DISC1: variants seen among roughly 807,000 people sequenced by gnomAD.
The protein encoded by DISC1 is disrupted in schizophrenia 1 protein.
A neutral mutation model predicts 84.5 loss-of-function variants in DISC1; 57 were observed. The observed-to-expected ratio is 0.67, with a 90% CI of 0.55 to 0.84. The LOEUF (loss-of-function observed/expected upper bound fraction) is 0.84, where lower values mean the gene tolerates loss of function less well. Ranked by LOEUF, DISC1 falls within the 40% of genes least tolerant of loss-of-function variation. The pLI is 0.00. For synonymous variants in DISC1, 411 were observed against 415.2 expected (o/e 0.99, Z 0.12); for missense variants, 1,000 against 1,057.8 (o/e 0.95, Z 0.76).
chr1:231,644,725 C>CT (rs1484844453), intron 1 of DISC1, among the ~76,000 whole-genome samples: 1 of 152,102 alleles, frequency 6.6e-6, no homozygotes, highest in South Asian at 2.1e-4. Context: ...CTATGACCCC[C>CT]TTTTCCTTTT....
At chr1:231,862,432 T>C (rs187555573) in intron 9 of DISC1, among the ~76,000 whole-genome samples, 4 of 152,330 alleles carry the variant, frequency 2.6e-5, no homozygotes, top group Admixed American at 2.6e-4. Context: ...GCAGATAATT[T>C]TTAGTTATTT....
rs924231954 is a variant in DISC1, at chr1:231,897,887, T to G, written c.1982-60941T>G. Among the ~76,000 whole-genome samples, 6 of 152,194 alleles carry G rather than the reference T, an allele frequency of 3.9e-5. No homozygotes were observed. Among genetic ancestry groups the G allele is most frequent in the African/African-American group, 1.4e-4 (6 of 41,444 alleles). ...CAAGTGCTAAAACACCAAAATAGTG[T>G]TATAGAGGCACATTCCTGGGGCAGG... On this transcript the variant is annotated intron_variant, in intron 9 of 12. Transcript: ENST00000439617. The surrounding 1 kb of genome is among the most constrained non-coding windows in gnomAD (Gnocchi z 4.5).
intron 3 of DISC1, among the ~76,000 whole-genome samples, chr1:231,746,110 C>T (rs1573470569): frequency 6.6e-6 from 1 of 152,152 alleles, no homozygotes; most frequent in Non-Finnish European, 1.5e-5. Flanking sequence ...AATCTGTTTT[C>T]TTTATAAATT....
intron 1 of DISC1, among the ~76,000 whole-genome samples, chr1:231,646,738 T>TA (rs1257010813): frequency 2.0e-5 from 3 of 152,248 alleles, no homozygotes; most frequent in African/African-American, 7.2e-5. Context: ...CCTGACTTTT[T>TA]AATGATCACC....
chr1:232,000,113 A>AGAGAATCAACCGATACCAGCGGGGAG (rs1425782408), intron 10 of DISC1, among the ~76,000 whole-genome samples: 75 of 152,340 alleles, frequency 4.9e-4, no homozygotes, highest in African/African-American at 1.8e-3. Flanking sequence ...GGATGAGGAA[A>AGAGAATCAACCGATACCAGCGGGGAG]GAGAATCAAC....
chr1:231,898,144 T>C (rs1385612129), intron 9 of DISC1, among the ~76,000 whole-genome samples: 1 of 152,230 alleles, frequency 6.6e-6, no homozygotes, highest in Non-Finnish European at 1.5e-5. Context: ...AATCTATGTA[T>C]ATTCACTTTA....
intron 9 of DISC1, among the ~76,000 whole-genome samples, chr1:231,833,128 G>C (rs1291383205): frequency 6.6e-6 from 1 of 150,556 alleles, no homozygotes; most frequent in Admixed American, 6.6e-5. Context: ...AGATTCAGCT[G>C]TAGTCCAGGA....
intron 3 of DISC1, among the ~76,000 whole-genome samples, chr1:231,722,085 G>A (rs1455924896): frequency 3.3e-5 from 5 of 150,558 alleles, no homozygotes; most frequent in South Asian, 2.1e-4. Flanking sequence ...CCTGGGAGGC[G>A]GAGCTTGCAG....
At chr1:231,790,663 C>T (rs545687799) in intron 6 of DISC1, among the ~76,000 whole-genome samples, 6 of 152,158 alleles carry the variant, frequency 3.9e-5, no homozygotes, top group East Asian at 3.9e-4. Flanking sequence ...GGACTACAGG[C>T]GCCTGCCACC....
chr1:231,779,631 C>T (rs2077235620), intron 6 of DISC1, among the ~76,000 whole-genome samples: 1 of 142,918 alleles, frequency 7.0e-6, no homozygotes, highest in Non-Finnish European at 1.5e-5. Context: ...TGCATCTCAG[C>T]TCACTGCAAG....
intron 6 of DISC1, 95 bp from the exon 7 acceptor site, chr1:231,795,147 C>A: frequency 1.7e-6 from 2 of 1,191,796 alleles, no homozygotes; most frequent in Non-Finnish European, 2.5e-6. Context: ...GTCCATCAGA[C>A]CAGTGGAAGG....
At chr1:231,929,300 G>A (rs1264188003) in intron 9 of DISC1, among the ~76,000 whole-genome samples, 2 of 152,082 alleles carry the variant, frequency 1.3e-5, no homozygotes, top group Non-Finnish European at 2.9e-5. Context: ...ACCTCAAGTA[G>A]CATTATTGTT....
At chr1:231,979,026 C>T (rs1424644093) in intron 10 of DISC1, among the ~76,000 whole-genome samples, 2 of 152,162 alleles carry the variant, frequency 1.3e-5, no homozygotes, top group African/African-American at 4.8e-5. Flanking sequence ...CTGAGCTCCG[C>T]CTCCTGTCAG....
chr1:231,983,761 T>A (rs1197434797), intron 10 of DISC1, among the ~76,000 whole-genome samples: 1 of 152,096 alleles, frequency 6.6e-6, no homozygotes, highest in Non-Finnish European at 1.5e-5. Context: ...AGGGATCAGC[T>A]AAATTTTTGC....
intron 9 of DISC1, among the ~76,000 whole-genome samples, chr1:231,875,341 C>T (rs1574364296): frequency 6.6e-6 from 1 of 152,046 alleles, no homozygotes; most frequent in South Asian, 2.1e-4. Context: ...GCCACCAGCC[C>T]CCGGCCCTGG....
chr1:231,787,470 CAG>C lies in DISC1; in HGVS notation c.1635-7768_1635-7767del, dbSNP rs2077975290. Reference sequence around the variant, plus strand: ...AGAGACAGAGAGAGAAAGAGAGAGACAGAGAAGGGGAGGGGACCAACCTCACC... The same window carrying C: ...AGAGACAGAGAGAGAAAGAGAGAGACAGAAGGGGAGGGGACCAACCTCACC... On this transcript the variant is annotated intron_variant, in intron 6 of 12. Transcript: ENST00000439617. Among the ~76,000 whole-genome samples the C allele has an allele frequency of 3.3e-5, 5 of 152,028 alleles. No individual in the cohort carries two copies. The South Asian group carries it at 1.0e-3, about 32-fold the overall frequency.
At chr1:231,790,918 A>G (rs2078299784) in intron 6 of DISC1, among the ~76,000 whole-genome samples, 1 of 152,168 alleles carries the variant, frequency 6.6e-6, no homozygotes, top group African/African-American at 2.4e-5. Flanking sequence ...CCTATCTCCA[A>G]ACATCGTCAC....
chr1:231,763,936 A>G (rs1248697697), intron 4 of DISC1, among the ~76,000 whole-genome samples: 1 of 152,352 alleles, frequency 6.6e-6, no homozygotes, highest in East Asian at 1.9e-4. Flanking sequence ...GTAAAAGGAG[A>G]CAAACATAGC....
At position 231,713,736 on chromosome 1, in the gene DISC1, C is replaced by CATATATATAGGAGAT. The variant is rs1177671499; in HGVS notation, c.1117+11767_1117+11781dup. Among the ~76,000 whole-genome samples, 81 of 114,276 alleles carry CATATATATAGGAGAT rather than the reference C, an allele frequency of 7.1e-4. 1 individual carries two copies. The highest frequency in any genetic ancestry group is 2.1e-3 in the African/African-American group (58 of 28,244). The allele number at this position is 114,276 out of a possible 152,430, so 75.0% of individuals were successfully genotyped here. On this transcript the variant is annotated intron_variant, in intron 3 of 12. Transcript: ENST00000439617. ...TATATATATATATAGGAGATATATA[C>CATATATATAGGAGAT]ATATATATAGGAGATATATATATAG...
Sources: allele counts gnomAD v4.1 joint callset (sites outside exome capture counted in the v4.1 genomes callset), GRCh38; gene constraint gnomAD v4.1.1; non-coding constraint Gnocchi (gnomAD v3.1); transcripts MANE v1.5; gene names NCBI Gene and HGNC (gene_info 2026-07-23, HGNC 2026-07-21).